BCR: variants seen among roughly 807,000 people sequenced by gnomAD.
BCR encodes the protein BCR activator of RhoGEF and GTPase.
Under a neutral mutation model 138.6 loss-of-function variants are expected in BCR, and 58 were observed. The observed-to-expected ratio is 0.42, with a 90% CI of 0.34 to 0.52. The LOEUF is 0.52. Ranked by LOEUF, BCR falls within the 20% of genes least tolerant of loss-of-function variation. BCR has a pLI of 0.06. For synonymous variants in BCR, 786 were observed against 730.1 expected, an observed-to-expected ratio of 1.08 and a Z score of -1.23; for missense variants, 1,599 against 1,727.2, an observed-to-expected ratio of 0.93 and a Z score of 1.32.
intron 1 of BCR, among the ~76,000 whole-genome samples, chr22:23,247,126 G>A (rs1326770112): frequency 2.6e-5 from 4 of 152,252 alleles, no homozygotes; most frequent in East Asian, 1.9e-4. Context: ...TGTAGAAGTC[G>A]CTGGCACCAT....
rs1310944613 is a variant in BCR at position 23,292,596 on chromosome 22, G to A, written c.2838G>A (p.Lys946=). The A allele has an allele frequency of 4.3e-6, 7 of 1,613,620 alleles. No homozygotes were observed. Among genetic ancestry groups the A allele is most frequent in the Non-Finnish European group, 5.9e-6 (7 of 1,179,690 alleles). The change falls in exon 15 of 23, where the codon AAG becomes AAA. Residue 946 remains lysine, a synonymous_variant. Transcript: ENST00000305877. Reference sequence around the variant, plus strand: ...TTGGGTATTTTGTGAATAAAGCAAAGACGCGCGTCTACAGGGACACAGCTG... The same window carrying A: ...TTGGGTATTTTGTGAATAAAGCAAAAACGCGCGTCTACAGGGACACAGCTG... ...DSFGYFVNKA[K]TRVYRDTAEP... is the part of the protein sequence containing the mutation.
At position 23,216,783 on chromosome 22, in the gene BCR, C is replaced by T. The variant is rs150709729; in HGVS notation, c.1279+34544C>T. On this transcript the variant is annotated intron_variant, in intron 1 of 22. Transcript: ENST00000305877. ...GTAGCTAAGGACTTGGTAGGGACACCGGAAGGCTGAGACCTCTCTCTCCTT... is the reference window on the plus strand; with the variant it reads ...GTAGCTAAGGACTTGGTAGGGACACTGGAAGGCTGAGACCTCTCTCTCCTT... 1.4e-3 allele frequency among the ~76,000 whole-genome samples: 211 copies of T among 152,338 alleles called. 1 individual carries two copies. The highest frequency in any genetic ancestry group is 5.0e-3 in the African/African-American group (206 of 41,576).
At chr22:23,204,694 A>G (rs1170231005) in intron 1 of BCR, among the ~76,000 whole-genome samples, 3 of 152,150 alleles carry the variant, frequency 2.0e-5, no homozygotes, top group Non-Finnish European at 4.4e-5. Flanking sequence ...TGGCCAGTCT[A>G]CAGGTCACCA....
rs118078893 is a variant in BCR, at chr22:23,183,259, C to T, written c.1279+1020C>T. 5.5e-3 allele frequency among the ~76,000 whole-genome samples: 832 copies of T among 152,264 alleles called. 17 individuals carry two copies. Among genetic ancestry groups the T allele is most frequent in the Admixed American group, 0.032 (491 of 15,284 alleles). ...GGCTGGGGTGTGTGTGTGAGGCTGT[C>T]GGGAATCTTTTGGAGTCCTGGTCCC... is the stretch of plus-strand genomic sequence containing the variant. On this transcript the variant is annotated intron_variant, in intron 1 of 22. Transcript: ENST00000305877.
intron 14 of BCR, 97 bp downstream of exon 14, chr22:23,290,510 G>A (rs1163952243): frequency 3.9e-6 from 5 of 1,274,450 alleles, no homozygotes; most frequent in Non-Finnish European, 5.7e-6. Context: ...CAGGGAGGTT[G>A]TTCAGATGAC....
intron 19 of BCR, among the ~76,000 whole-genome samples, chr22:23,312,210 G>A (rs2074015988): frequency 6.6e-6 from 1 of 152,226 alleles, no homozygotes; most frequent in Non-Finnish European, 1.5e-5. Flanking sequence ...TGGGGCTGCA[G>A]CATCTCTGCC....
intron 1 of BCR, among the ~76,000 whole-genome samples, chr22:23,211,440 C>T (rs966366583): frequency 3.3e-5 from 5 of 151,594 alleles, no homozygotes; most frequent in East Asian, 3.9e-4. Flanking sequence ...CCTCGTGATC[C>T]GCCTGCCTTG....
chr22:23,215,975 GT>G (rs986336202), intron 1 of BCR, among the ~76,000 whole-genome samples: 13 of 152,198 alleles, frequency 8.5e-5, no homozygotes, highest in African/African-American at 2.7e-4. Context: ...ATTTTGCCAT[GT>G]TTAGGAAATC....
At chr22:23,218,787 A>T (rs1449009157) in intron 1 of BCR, among the ~76,000 whole-genome samples, 1 of 152,216 alleles carries the variant, frequency 6.6e-6, no homozygotes, top group Non-Finnish European at 1.5e-5. Flanking sequence ...GGCAAGGCAG[A>T]GGGGACTCCT....
In BCR at chr22:23,306,690, G is replaced by A. The variant is rs544588868; in HGVS notation, c.3013-2734G>A. The A allele has an allele frequency of 2.4e-4, 36 of 152,386 alleles. 4 individuals are homozygous for A. The highest frequency in any genetic ancestry group is 7.7e-4 in the African/African-American group (32 of 41,570). The allele number at this position is 152,386 out of a possible 1,614,324, so 9.4% of individuals were successfully genotyped here. A position where few individuals can be genotyped will look rare whatever the true frequency, so the allele number is the denominator to read the frequency against. ...CTTTGACCTTGGCCAGCCAGACTGC[G>A]GGGTGGGGTTTCCCTCAAAGCCTGG... On this transcript the variant is annotated intron_variant, in intron 16 of 22. Coordinates refer to ENST00000305877, the MANE Select transcript of BCR (RefSeq NM_004327.4).
At chr22:23,226,955 C>G (rs1378703698) in intron 1 of BCR, among the ~76,000 whole-genome samples, 2 of 152,112 alleles carry the variant, frequency 1.3e-5, no homozygotes, top group Non-Finnish European at 2.9e-5. Flanking sequence ...GTTCAGAGAC[C>G]AGGCCAGGAT....
At chr22:23,254,623 G>GA (rs753446593) in intron 2 of BCR, 5 of 518,564 alleles carry the variant, frequency 9.6e-6, no homozygotes, top group Non-Finnish European at 1.9e-5. Context: ...GATGGTGCTG[G>GA]ACCGCCCGGC....
chr22:23,210,435 AAAATT>A (rs2072668306), intron 1 of BCR, among the ~76,000 whole-genome samples: 2 of 152,076 alleles, frequency 1.3e-5, no homozygotes, highest in South Asian at 2.1e-4. Context: ...AAAAAAAAAA[AAAATT>A]AAAGGCTTGA....
intron 8 of BCR, among the ~76,000 whole-genome samples, chr22:23,281,292 G>T (rs577504085): frequency 6.6e-6 from 1 of 152,364 alleles, no homozygotes; most frequent in Admixed American, 6.5e-5. Context: ...GAGATGCTGA[G>T]CCTTGGGGAC....
intron 1 of BCR, among the ~76,000 whole-genome samples, chr22:23,222,933 G>GT (rs2146234034): frequency 6.6e-6 from 1 of 152,282 alleles, no homozygotes; most frequent in East Asian, 1.9e-4. Context: ...ATTTGGGGAA[G>GT]TTTGAGATCA....
At position 23,182,138 on chromosome 22, in the gene BCR, G is replaced by A. The variant is rs755000316; in HGVS notation, c.1178G>A (p.Arg393Gln). 3 of 1,610,560 alleles carry A rather than the reference G, an allele frequency of 1.9e-6. No individual in the cohort carries two copies. The highest frequency in any genetic ancestry group is 1.7e-6 in the Non-Finnish European group (2 of 1,179,894). The change falls in exon 1 of 23, where the codon CGG (arginine) becomes CAG (glutamine). Residue 393 changes from arginine (R) to glutamine (Q), a missense_variant. Arg to Gln is a conservative substitution (Grantham distance 43). Around this residue, in one of 4 missense-constraint regions of BCR, gnomAD observed 806 missense variants for 635.0 expected, o/e 1.27. Coordinates refer to ENST00000305877, the MANE Select transcript of BCR (RefSeq NM_004327.4). The part of the protein sequence containing the change: ...PPTPQCHKRH[R>Q]HCPVVVSEAT... ...ACGCCGCAGTGCCATAAGCGGCACC[G>A]GCACTGCCCGGTTGTCGTGTCCGAG...
At chr22:23,241,864 C>G (rs1017601802) in intron 1 of BCR, among the ~76,000 whole-genome samples, 3 of 152,110 alleles carry the variant, frequency 2.0e-5, no homozygotes, top group African/African-American at 7.2e-5. Context: ...GTTCCAGACC[C>G]AGACATCTCC....
At chr22:23,271,627 C>A in intron 6 of BCR, 35 bp downstream of exon 6, 1 of 1,603,210 alleles carries the variant, frequency 6.2e-7, no homozygotes, top group Admixed American at 1.7e-5. Flanking sequence ...TGTGTGCCCT[C>A]GTCAGGGAGG....
Position 23,287,244 on chromosome 22 carries a change from G to A in BCR, c.2492G>A (p.Ser831Asn). 10 of 1,557,860 alleles carry A rather than the reference G, an allele frequency of 6.4e-6. No homozygotes were observed. Among genetic ancestry groups the A allele is most frequent in the Non-Finnish European group, 8.7e-6 (10 of 1,150,268 alleles). The change falls in exon 11 of 23, where the codon AGC becomes AAC. Residue 831 changes from serine to asparagine, a missense_variant. By Grantham distance (46) the Ser-to-Asn change is conservative (BLOSUM62 1). This residue lies in a region of BCR where 590 missense variants were observed against 762.4 expected (regional missense o/e 0.77). Transcript: ENST00000305877. ...QESLLLLMSP[S>N]MAFRVHSRNG... ...TCACTGCTGCTGCTTATGTCTCCCA[G>A]CATGGCCTTCAGGGTGCACAGCCGC...
Sources: allele counts gnomAD v4.1 joint callset (sites outside exome capture counted in the v4.1 genomes callset), GRCh38; gene constraint gnomAD v4.1.1; regional missense constraint gnomAD v4.1.1; transcripts MANE v1.5; gene names NCBI Gene and HGNC (gene_info 2026-07-23, HGNC 2026-07-21).